Variants in NUGGC observed in about 807,000 individuals in gnomAD.
The protein encoded by NUGGC is nuclear GTPase, germinal center associated, also known as nuclear GTPase SLIP-GC.
Under a neutral mutation model 92.6 loss-of-function variants are expected in NUGGC, and 58 were observed. The ratio of observed to expected loss-of-function variants is 0.63; its 90% CI spans 0.51 to 0.78. The LOEUF is 0.78. Ranked by LOEUF, NUGGC falls within the 30% of genes least tolerant of loss-of-function variation. NUGGC has a pLI of 0.00. For synonymous variants in NUGGC, 376 were observed against 366.4 expected (o/e 1.03, Z -0.30); for missense variants, 925 against 964.6 (o/e 0.96, Z 0.54).
chr8:28,055,649 A>G (rs1810114106), intron 10 of NUGGC, among the ~76,000 whole-genome samples: 2 of 152,334 alleles, frequency 1.3e-5, no homozygotes, highest in Non-Finnish European at 1.5e-5. Flanking sequence ...TCTGGACAAC[A>G]TGGTGCAATC....
intron 10 of NUGGC, among the ~76,000 whole-genome samples, chr8:28,052,596 C>G (rs1238928068): frequency 6.6e-6 from 1 of 152,148 alleles, no homozygotes; most frequent in African/African-American, 2.4e-5. Flanking sequence ...AGAACTGTAC[C>G]AGATCCTTCC....
rs1243568651 is a variant in NUGGC, at chr8:28,051,706, T to C, written c.1207-4094A>G. Reference sequence around the variant, plus strand: ...TTTGAGAGGCTGAGGGCAGATCACCTGAGGTCGGGAGTTTGAGACCAGCCT... The same window carrying C: ...TTTGAGAGGCTGAGGGCAGATCACCCGAGGTCGGGAGTTTGAGACCAGCCT... On this transcript the variant is annotated intron_variant, in intron 10 of 18. Coordinates refer to ENST00000413272, the MANE Select transcript of NUGGC (RefSeq NM_001010906.2). Among the ~76,000 whole-genome samples, 3 of 152,160 alleles carry C rather than the reference T, an allele frequency of 2.0e-5. No homozygotes were observed. In the East Asian group the frequency reaches 5.8e-4, roughly 29 times the overall value.
At chr8:28,060,368 GA>G in intron 8 of NUGGC, 57 bp downstream of exon 8, 1 of 1,503,666 alleles carries the variant, frequency 6.7e-7, no homozygotes, top group Non-Finnish European at 9.2e-7. Flanking sequence ...CTGTAGTCAG[GA>G]CCCACAGAGG....
chr8:28,050,394 A>G (rs1294673237), intron 10 of NUGGC, among the ~76,000 whole-genome samples: 2 of 150,726 alleles, frequency 1.3e-5, no homozygotes, highest in Non-Finnish European at 3.0e-5. Flanking sequence ...AAAAAAAAAG[A>G]AAAAAGGAAA....
chr8:28,031,399 A>G lies in NUGGC; in HGVS notation c.1770-18T>C. 1 of 1,611,122 alleles carries G rather than the reference A, an allele frequency of 6.2e-7. No homozygotes were observed. Among genetic ancestry groups the G allele is most frequent in the Admixed American group, 1.7e-5 (1 of 59,568 alleles). ...TCCCCGTCCTACGGAAGAAAGTGACAAAAAAGTTTAAGAGAATGGTGGCTG... is the reference window on the plus strand; with the variant it reads ...TCCCCGTCCTACGGAAGAAAGTGACGAAAAAGTTTAAGAGAATGGTGGCTG... On this transcript the variant is annotated intron_variant, in intron 14 of 18. Transcript: ENST00000413272.
Position 28,074,490 on chromosome 8 carries a change from G to A in NUGGC, c.-46-34C>T, listed in dbSNP as rs1284317404. ...ACAAAGTACAAAGACAGGTGGGGCA[G>A]CGGAATTTGAAAATACAGAAAGCAA... On this transcript the variant is annotated intron_variant, in intron 1 of 18. Transcript: ENST00000413272. The A allele has an allele frequency of 5.4e-6, 8 of 1,479,716 alleles. No individual in the cohort carries two copies. The African/African-American group carries it at 9.6e-5, about 18-fold the overall frequency. The allele number at this position is 1,479,716 out of a possible 1,614,324, so 91.7% of individuals were successfully genotyped here. A position where few individuals can be genotyped will look rare whatever the true frequency, so the allele number is the denominator to read the frequency against.
At chr8:28,060,389 G>A in intron 8 of NUGGC, 37 bp downstream of exon 8, 1 of 1,604,586 alleles carries the variant, frequency 6.2e-7, no homozygotes, top group Non-Finnish European at 8.5e-7. Flanking sequence ...GAAAGCCCCT[G>A]ACTGGAGCCC....
intron 12 of NUGGC, among the ~76,000 whole-genome samples, chr8:28,045,308 C>G (rs1809801391): frequency 1.3e-5 from 2 of 152,214 alleles, no homozygotes; most frequent in African/African-American, 4.8e-5. Context: ...ATTTTTCTCT[C>G]AGCCCATCTG....
At chr8:28,067,969 G>A in intron 5 of NUGGC, among the ~76,000 whole-genome samples, 1 of 152,168 alleles carries the variant, frequency 6.6e-6, no homozygotes, top group Non-Finnish European at 1.5e-5. Flanking sequence ...ACTTTCTCCT[G>A]GGATGGGCTC....
At chr8:28,077,618 T>C (rs1810755831) in intron 1 of NUGGC, among the ~76,000 whole-genome samples, 1 of 152,048 alleles carries the variant, frequency 6.6e-6, no homozygotes, top group South Asian at 2.1e-4. Context: ...GAAAAAGATC[T>C]GTTGTTTTCT....
intron 14 of NUGGC, 142 bp from the exon 15 acceptor site, chr8:28,031,523 C>T (rs893730153): frequency 1.2e-5 from 10 of 801,446 alleles, no homozygotes; most frequent in Middle Eastern, 3.3e-4. Flanking sequence ...TATAATGTGC[C>T]AGGCACTGTG....
At chr8:28,027,862 C>T (rs1222706782) in intron 17 of NUGGC, among the ~76,000 whole-genome samples, 10 of 152,164 alleles carry the variant, frequency 6.6e-5, no homozygotes, top group African/African-American at 2.4e-4. Context: ...AACGAAGCAG[C>T]AAGCCACATT....
intron 13 of NUGGC, among the ~76,000 whole-genome samples, chr8:28,038,840 G>A (rs949351317): frequency 1.3e-5 from 2 of 152,072 alleles, no homozygotes; most frequent in South Asian, 4.1e-4. Flanking sequence ...GTCCATGCAT[G>A]GCCATGGAAA....
At chr8:28,052,235 A>C (rs1194882415) in intron 10 of NUGGC, among the ~76,000 whole-genome samples, 6 of 152,162 alleles carry the variant, frequency 3.9e-5, no homozygotes, top group Admixed American at 3.9e-4. Flanking sequence ...TTCCCCGTTT[A>C]ATATTTTTGA....
intron 14 of NUGGC, among the ~76,000 whole-genome samples, chr8:28,032,096 G>A (rs767594158): frequency 6.6e-6 from 1 of 152,228 alleles, no homozygotes; most frequent in South Asian, 2.1e-4. Flanking sequence ...TACAGCACAA[G>A]GCTGCAACCA....
rs1021049241 is a variant in NUGGC at position 28,033,681 on chromosome 8, T to G, written c.1628A>C (p.Gln543Pro). ...RACLVRSKGN[Q>P]GFHQTLKAVC... ...AGCTTTCAGGGTCTGATGAAAACCTTGGTTTCCTTTACTCCTCTAGACAAT... is the reference window on the plus strand; with the variant it reads ...AGCTTTCAGGGTCTGATGAAAACCTGGGTTTCCTTTACTCCTCTAGACAAT... Residue 543 changes from glutamine to proline, a missense_variant, in exon 14 of 19, where the codon CAA becomes CCA. Transcript: ENST00000413272. 1 of 1,613,846 alleles carries G rather than the reference T, an allele frequency of 6.2e-7. No homozygotes were observed. Among genetic ancestry groups the G allele is most frequent in the African/African-American group, 1.3e-5 (1 of 74,940 alleles).
chr8:28,073,168 A>AT (rs1464532304), intron 2 of NUGGC, among the ~76,000 whole-genome samples: 3 of 116,956 alleles, frequency 2.6e-5, no homozygotes, highest in East Asian at 2.2e-4. Context: ...CGCCTGGCTA[A>AT]TTTTTTTTTC....
chr8:28,041,127 C>G lies in NUGGC; in HGVS notation c.1535G>C (p.Cys512Ser). ...LEKAIAQCFA[C>S]MEQPLQEGVR... ...CCCTTCTTGCAGAGGCTGCTCCATG[C>G]AGGCGAAGCACTGTGCGATGGCCTT... The change falls in exon 13 of 19, where the codon TGC (cysteine) becomes TCC (serine). Residue 512 changes from cysteine to serine, a missense_variant. Physicochemically the swap from Cys to Ser is moderately radical, Grantham distance 112. Coordinates refer to ENST00000413272, the MANE Select transcript of NUGGC (RefSeq NM_001010906.2). 1 of 1,609,002 alleles carries G rather than the reference C, an allele frequency of 6.2e-7. No homozygotes were observed. The highest frequency in any genetic ancestry group is 8.5e-7 in the Non-Finnish European group (1 of 1,177,950).
intron 18 of NUGGC, among the ~76,000 whole-genome samples, chr8:28,026,424 G>T (rs888218818): frequency 2.0e-5 from 3 of 152,184 alleles, no homozygotes; most frequent in Non-Finnish European, 2.9e-5. Context: ...CTACACCAAG[G>T]TCCACAGCTG....
Sources: allele counts gnomAD v4.1 joint callset (sites outside exome capture counted in the v4.1 genomes callset), GRCh38; gene constraint gnomAD v4.1.1; transcripts MANE v1.5; gene names NCBI Gene and HGNC (gene_info 2026-07-23, HGNC 2026-07-21).